The following FAT3 variants were observed in gnomAD, a reference collection of about 807,000 sequenced individuals.
The protein encoded by FAT3 is protocadherin Fat 3.
Under a neutral mutation model 310.2 loss-of-function variants are expected in FAT3, and 95 were observed. The observed-to-expected ratio is 0.31, with a 90% CI of 0.26 to 0.36. The LOEUF is 0.36. FAT3 is among the 10% of genes least tolerant of loss of function. The pLI is 1.00. For missense variants in FAT3, 5,408 were observed against 5,715.6 expected (o/e 0.95, Z 1.74); for synonymous variants, 2,314 against 2,192.9 (o/e 1.06, Z -1.54).
At chr11:92,369,913 C>G (rs1338860465) in intron 2 of FAT3, among the ~76,000 whole-genome samples, 1 of 152,102 alleles carries the variant, frequency 6.6e-6, no homozygotes, top group Admixed American at 6.6e-5. Flanking sequence ...ACTGCTTTTT[C>G]GGAGCAGTTG....
intron 3 of FAT3, among the ~76,000 whole-genome samples, chr11:92,672,056 T>C (rs905374808): frequency 3.3e-5 from 5 of 151,990 alleles, no homozygotes; most frequent in African/African-American, 4.8e-5. Flanking sequence ...GAGGCGGAGG[T>C]TGCATTGAGC....
intron 1 of FAT3, among the ~76,000 whole-genome samples, chr11:92,283,107 G>A (rs1479589906): frequency 6.6e-6 from 1 of 152,096 alleles, no homozygotes; most frequent in Non-Finnish European, 1.5e-5. Flanking sequence ...CTTAGTAGGT[G>A]TTCTGTGCTC....
intron 1 of FAT3, among the ~76,000 whole-genome samples, chr11:92,304,075 A>G (rs925192885): frequency 1.3e-5 from 2 of 152,124 alleles, no homozygotes; most frequent in Non-Finnish European, 1.5e-5. Flanking sequence ...CTACTGTGTA[A>G]CCTTTCCATT....
chr11:92,529,732 A>T (rs1200325732), intron 3 of FAT3, among the ~76,000 whole-genome samples: 1 of 152,150 alleles, frequency 6.6e-6, no homozygotes, highest in East Asian at 1.9e-4. Context: ...TTTTTGCTTA[A>T]TCCAGATCTT....
intron 15 of FAT3, 49 bp downstream of exon 15, chr11:92,835,133 C>T: frequency 6.7e-7 from 1 of 1,500,300 alleles, no homozygotes. Flanking sequence ...GACTAGTCAT[C>T]CACAATAAAG....
Position 92,798,372 on chromosome 11 carries a change from A to C in FAT3, c.5359A>C (p.Ile1787Leu). 6.2e-7 allele frequency: 1 copy of C among 1,613,458 alleles called. No individual in the cohort carries two copies. Among genetic ancestry groups the C allele is most frequent in the South Asian group, 1.1e-5 (1 of 91,046 alleles). Reference sequence around the variant, plus strand: ...AAGTGAGGCTGCCCCAATTAATAGCATTGTCAGGAGCTTGGATAACAGCCC... The same window carrying C: ...AAGTGAGGCTGCCCCAATTAATAGCCTTGTCAGGAGCTTGGATAACAGCCC... The part of the protein sequence containing the change: ...SLSEAAPINS[I>L]VRSLDNSPLV... The change falls in exon 10 of 28, where the codon ATT (isoleucine) becomes CTT (leucine). Residue 1787 changes from isoleucine to leucine, a missense_variant. Transcript: ENST00000525166.
rs976859965 is a variant in FAT3 at position 92,894,410 on chromosome 11, C to T, written c.*3297C>T. ...CCCACAAACACTGGCTACTCTTTGT[C>T]CTACCCCCTCCACCATGATGAACCA... is the stretch of plus-strand genomic sequence containing the variant. On this transcript the variant is annotated 3_prime_UTR_variant, in exon 28 of 28. Coordinates refer to ENST00000525166, the MANE Select transcript of FAT3 (RefSeq NM_001367949.2). The T allele has an allele frequency of 6.6e-6, 1 of 152,226 alleles. No homozygotes were observed. Among genetic ancestry groups the T allele is most frequent in the South Asian group, 2.1e-4 (1 of 4,814 alleles). The allele number at this position is 152,226 out of a possible 1,614,324, so 9.4% of individuals were successfully genotyped here.
At chr11:92,412,195 T>G (rs1950285999) in intron 2 of FAT3, among the ~76,000 whole-genome samples, 1 of 151,964 alleles carries the variant, frequency 6.6e-6, no homozygotes, top group Admixed American at 6.6e-5. Flanking sequence ...CTTTGCCTTC[T>G]GGGTTCAAGC....
intron 3 of FAT3, 109 bp from the exon 4 acceptor site, chr11:92,697,275 T>A: frequency 2.5e-6 from 2 of 811,542 alleles, no homozygotes; most frequent in Non-Finnish European, 2.0e-6. Context: ...ATTGGAAAGT[T>A]ACAGTTCCAT....
chr11:92,319,668 G>A (rs1206906893), intron 1 of FAT3, among the ~76,000 whole-genome samples: 1 of 152,120 alleles, frequency 6.6e-6, no homozygotes, highest in Non-Finnish European at 1.5e-5. Context: ...GAAATATTAC[G>A]AGAATCTGCT....
intron 3 of FAT3, among the ~76,000 whole-genome samples, chr11:92,618,253 C>T (rs759759930): frequency 1.1e-4 from 16 of 152,178 alleles, no homozygotes; most frequent in Non-Finnish European, 2.2e-4. Flanking sequence ...GTGAGCGAGG[C>T]GCCATGGGTG....
At chr11:92,418,431 C>CCA (rs1467676568) in intron 2 of FAT3, among the ~76,000 whole-genome samples, 6 of 101,370 alleles carry the variant, frequency 5.9e-5, no homozygotes, top group South Asian at 9.4e-4. Context: ...CCCCCCCACC[C>CCA]CCCCACACAC....
chr11:92,674,112 TG>T (rs1330855204), intron 3 of FAT3, among the ~76,000 whole-genome samples: 3 of 150,912 alleles, frequency 2.0e-5, no homozygotes, highest in East Asian at 3.9e-4. Flanking sequence ...ACCCTGGAGG[TG>T]GGGGTTGCAG....
rs1163938965 is a variant in FAT3 at position 92,228,038 on chromosome 11, G to T, written c.-18+2864G>T. Among the ~76,000 whole-genome samples the T allele has an allele frequency of 9.9e-5, 15 of 152,036 alleles. 1 individual carries two copies. Among genetic ancestry groups the T allele is most frequent in the Admixed American group, 9.8e-4 (15 of 15,276 alleles). On this transcript the variant is annotated intron_variant, in intron 1 of 27. Transcript: ENST00000525166. ...TTTTGGAACTTGAACAATGAGTGAT[G>T]CTGGGGCCAGTTTCTGTGCACAGTG...
intron 4 of FAT3, among the ~76,000 whole-genome samples, chr11:92,702,426 TG>T (rs2135921802): frequency 6.6e-6 from 1 of 152,354 alleles, no homozygotes; most frequent in East Asian, 1.9e-4. Context: ...TTCGTCTGCA[TG>T]AGCGTTGCCA....
chr11:92,333,091 C>T (rs1043504777), intron 1 of FAT3, among the ~76,000 whole-genome samples: 66 of 152,130 alleles, frequency 4.3e-4, no homozygotes, highest in Non-Finnish European at 7.4e-5. Flanking sequence ...AGAACCCAAG[C>T]ACCATATTTT....
intron 1 of FAT3, among the ~76,000 whole-genome samples, chr11:92,327,766 C>T (rs1947803516): frequency 6.6e-6 from 1 of 152,190 alleles, no homozygotes; most frequent in Non-Finnish European, 1.5e-5. Flanking sequence ...GAGGAAGTCA[C>T]TTAACCCAAG....
chr11:92,586,973 C>T (rs1204854159), intron 3 of FAT3, among the ~76,000 whole-genome samples: 1 of 151,908 alleles, frequency 6.6e-6, no homozygotes, highest in Non-Finnish European at 1.5e-5. Context: ...ATGTGAGAAG[C>T]ATGGCAGAAA....
chr11:92,289,256 A>C (rs564747625), intron 1 of FAT3, among the ~76,000 whole-genome samples: 1 of 152,242 alleles, frequency 6.6e-6, no homozygotes, highest in African/African-American at 2.4e-5. Flanking sequence ...TCATGTCCAC[A>C]TTAAGGTGAA....
Sources: allele counts gnomAD v4.1 joint callset (sites outside exome capture counted in the v4.1 genomes callset), GRCh38; gene constraint gnomAD v4.1.1; transcripts MANE v1.5; gene names NCBI Gene and HGNC (gene_info 2026-07-23, HGNC 2026-07-21).